Variants in MON2 observed in about 807,000 individuals in gnomAD.
MON2 encodes MON2 regulator of endosome-to-Golgi trafficking.
A neutral mutation model predicts 208.6 loss-of-function variants in MON2; 84 were observed. That is an observed-to-expected ratio of 0.40 (90% CI 0.34 to 0.48). MON2 has a LOEUF of 0.48. MON2 is among the 20% of genes least tolerant of loss of function. The probability of loss-of-function intolerance (pLI) is 0.59; values close to 1 mark genes in which losing one functional copy is unlikely to be tolerated. For missense variants in MON2, 1,611 were observed against 2,015.4 expected (o/e 0.80, Z 3.84); for synonymous variants, 660 against 694.0 (o/e 0.95, Z 0.77).
At chr12:62,550,079 AAC>A (rs2073673724) in intron 23 of MON2, among the ~76,000 whole-genome samples, 2 of 152,200 alleles carry the variant, frequency 1.3e-5, no homozygotes, top group African/African-American at 4.8e-5. Context: ...GGGTTTAGTA[AAC>A]AATAGTATAT....
chr12:62,484,110 T>C (rs2069615719), intron 1 of MON2, 60 bp from the exon 2 acceptor site: 1 of 1,226,536 alleles, frequency 8.2e-7, no homozygotes, highest in East Asian at 2.3e-5. Flanking sequence ...ATGACTTATT[T>C]TCCATAGATA....
chr12:62,481,869 G>A (rs2069463811), intron 1 of MON2, among the ~76,000 whole-genome samples: 1 of 152,180 alleles, frequency 6.6e-6, no homozygotes, highest in Admixed American at 6.5e-5. Context: ...TTACAGAGTT[G>A]GTAGAAGGCT....
intron 1 of MON2, among the ~76,000 whole-genome samples, chr12:62,475,121 T>A (rs999531157): frequency 5.9e-5 from 9 of 152,238 alleles, no homozygotes; most frequent in African/African-American, 2.2e-4. Flanking sequence ...TTTAGCTTTA[T>A]CACCCTCAAA....
At chr12:62,532,922 A>T (rs906742437) in intron 12 of MON2, among the ~76,000 whole-genome samples, 2 of 152,170 alleles carry the variant, frequency 1.3e-5, no homozygotes, top group Non-Finnish European at 2.9e-5. Context: ...AAATAAGGTT[A>T]GTCTCCTGTG....
At chr12:62,487,869 G>A (rs2069889178) in intron 2 of MON2, among the ~76,000 whole-genome samples, 1 of 152,072 alleles carries the variant, frequency 6.6e-6, no homozygotes, top group Non-Finnish European at 1.5e-5. Flanking sequence ...TGAAAGAAAT[G>A]TTTGTGCCCT....
chr12:62,566,172 TA>T, intron 28 of MON2, 141 bp downstream of exon 28: 1 of 1,321,688 alleles, frequency 7.6e-7, no homozygotes, highest in Non-Finnish European at 1.0e-6. Flanking sequence ...TTTCATGAAG[TA>T]CATATCTCTT....
intron 5 of MON2, among the ~76,000 whole-genome samples, 167 bp downstream of exon 5, chr12:62,499,215 CTTGT>C (rs1199723758): frequency 6.6e-6 from 1 of 152,068 alleles, no homozygotes; most frequent in Non-Finnish European, 1.5e-5. Flanking sequence ...CCTTGTTTTC[CTTGT>C]TTATTTCTAG....
At chr12:62,520,630 GA>G (rs938775281) in intron 8 of MON2, among the ~76,000 whole-genome samples, 1 of 151,698 alleles carries the variant, frequency 6.6e-6, no homozygotes, top group Non-Finnish European at 1.5e-5. Context: ...TTGTCACAAG[GA>G]ACATTAAAAA....
At chr12:62,565,739 A>G (rs1375249877) in intron 27 of MON2, among the ~76,000 whole-genome samples, 3 of 152,174 alleles carry the variant, frequency 2.0e-5, no homozygotes, top group Non-Finnish European at 2.9e-5. Flanking sequence ...ATCTTACTTA[A>G]AACAGATACC....
chr12:62,532,756 C>A, intron 12 of MON2, 86 bp downstream of exon 12: 1 of 973,778 alleles, frequency 1.0e-6, no homozygotes, highest in Non-Finnish European at 1.6e-6. Context: ...ATCTTTCACC[C>A]TGACTTCTCA....
chr12:62,491,797 T>G (rs1238413924), intron 2 of MON2, among the ~76,000 whole-genome samples: 1 of 152,256 alleles, frequency 6.6e-6, no homozygotes, highest in Non-Finnish European at 1.5e-5. Context: ...TTGGTTACTA[T>G]TAAGAGCTTT....
chr12:62,525,906 A>G (rs2072306673), intron 10 of MON2, 43 bp from the exon 11 acceptor site: 5 of 1,581,552 alleles, frequency 3.2e-6, no homozygotes, highest in Non-Finnish European at 4.3e-6. Context: ...GTAGTCAAGT[A>G]GTAAATTAGT....
chr12:62,499,054 G>A lies in MON2; in HGVS notation c.565+6G>A, dbSNP rs374519214. The A allele has an allele frequency of 1.5e-5, 24 of 1,608,256 alleles. No individual in the cohort carries two copies. Among genetic ancestry groups the A allele is most frequent in the South Asian group, 1.1e-4 (10 of 89,790 alleles). Reference sequence around the variant, plus strand: ...TGAAGATGAACGACACAGAGGTAAAGTGCTAGAAGTTGTTTTACTTTGTGG... The same window carrying A: ...TGAAGATGAACGACACAGAGGTAAAATGCTAGAAGTTGTTTTACTTTGTGG... On this transcript the variant is annotated splice_donor_region_variant and intron_variant, in intron 5 of 34. Coordinates refer to ENST00000393630, the MANE Select transcript of MON2 (RefSeq NM_015026.3).
intron 8 of MON2, among the ~76,000 whole-genome samples, chr12:62,521,858 C>T (rs1357111223): frequency 6.6e-6 from 1 of 152,130 alleles, no homozygotes; most frequent in Non-Finnish European, 1.5e-5. Flanking sequence ...CCCACATATT[C>T]CTTAAACAAG....
chr12:62,579,837 G>A (rs2074937890), intron 31 of MON2, among the ~76,000 whole-genome samples: 2 of 152,138 alleles, frequency 1.3e-5, no homozygotes, highest in South Asian at 4.1e-4. Flanking sequence ...GGACTTTAAA[G>A]GGCAAAATAA....
At chr12:62,479,264 TCTGA>T (rs2069258616) in intron 1 of MON2, among the ~76,000 whole-genome samples, 1 of 152,204 alleles carries the variant, frequency 6.6e-6, no homozygotes, top group African/African-American at 2.4e-5. Context: ...AATACCAAAA[TCTGA>T]GGATATTCAA....
chr12:62,542,162 C>T (rs146687409), intron 19 of MON2, among the ~76,000 whole-genome samples: 24 of 152,228 alleles, frequency 1.6e-4, no homozygotes, highest in Admixed American at 1.0e-3. Flanking sequence ...TCCACATTAG[C>T]GCATGCGGGA....
chr12:62,534,977 A>C, intron 13 of MON2, 51 bp downstream of exon 13: 1 of 1,219,534 alleles, frequency 8.2e-7, no homozygotes, highest in Non-Finnish European at 1.2e-6. Context: ...TAAAAAAAAC[A>C]CATTAAAATG....
At chr12:62,468,560 A>G (rs1006625778) in intron 1 of MON2, among the ~76,000 whole-genome samples, 1 of 152,220 alleles carries the variant, frequency 6.6e-6, no homozygotes, top group East Asian at 1.9e-4. Context: ...AGTTTTCAAC[A>G]AACTCCATCT....
Sources: gnomAD v4.1 joint callset for allele counts (sites outside exome capture counted in the v4.1 genomes callset) on GRCh38, gnomAD v4.1.1 for gene constraint, MANE v1.5 for transcripts, NCBI Gene and HGNC (gene_info 2026-07-23, HGNC 2026-07-21) for gene names.